CDC42SE1: variants seen among roughly 807,000 people sequenced by gnomAD.
The protein encoded by CDC42SE1 is CDC42 small effector protein 1.
In CDC42SE1, 10 loss-of-function variants were observed where a neutral mutation model predicts 10.9. That is an observed-to-expected ratio of 0.92 (90% CI 0.57 to 1.56). The LOEUF (loss-of-function observed/expected upper bound fraction) is 1.56, where lower values mean the gene tolerates loss of function less well. Ranked by LOEUF, CDC42SE1 falls within the 40% of genes most tolerant of loss-of-function variation. The probability of loss-of-function intolerance (pLI) is 0.00; values close to 1 mark genes in which losing one functional copy is unlikely to be tolerated. For missense variants in CDC42SE1, 81 were observed against 100.8 expected (o/e 0.80, Z 0.84); for synonymous variants, 24 against 32.0 (o/e 0.75, Z 0.85).
At chr1:151,055,550 A>C in intron 2 of CDC42SE1, 127 bp downstream of exon 2, 2 of 769,374 alleles carry the variant, frequency 2.6e-6, no homozygotes, top group Non-Finnish European at 4.6e-6. Flanking sequence ...TGACCATAGA[A>C]GCTCCTGACA....
chr1:151,055,659 G>A lies in CDC42SE1; in HGVS notation c.54+18C>T, dbSNP rs202202399. The A allele has an allele frequency of 3.7e-6, 6 of 1,605,732 alleles. No homozygotes were observed. The highest frequency in any genetic ancestry group is 5.1e-6 in the Non-Finnish European group (6 of 1,173,136). ...ACTGACTGCTCTTTGGGTTAGGATGGGGGGTGGGGAGACTCACCGGCTGGG... is the reference window on the plus strand; with the variant it reads ...ACTGACTGCTCTTTGGGTTAGGATGAGGGGTGGGGAGACTCACCGGCTGGG... On this transcript the variant is annotated intron_variant, in intron 2 of 4. Coordinates refer to ENST00000357235, the MANE Select transcript of CDC42SE1 (RefSeq NM_020239.4).
chr1:151,052,152 AGGAGAAATCTG>A lies in CDC42SE1; in HGVS notation c.*1181_*1191del, dbSNP rs1676195092. The A allele has an allele frequency of 6.6e-6, 1 of 152,180 alleles. No homozygotes were observed. The highest frequency in any genetic ancestry group is 6.5e-5 in the Admixed American group (1 of 15,274). 9.4% of individuals were successfully genotyped at this position (152,180 alleles called of 1,614,324 possible). ...TCAAATGGAGGCGATTTTGCCCCCT[AGGAGAAATCTG>A]GCAATGTATAGAGACATTTTTGGTT... is the stretch of plus-strand genomic sequence containing the variant. On this transcript the variant is annotated 3_prime_UTR_variant, in exon 5 of 5. Coordinates refer to ENST00000357235, the MANE Select transcript of CDC42SE1 (RefSeq NM_020239.4).
chr1:151,054,457 TA>T lies in CDC42SE1; in HGVS notation c.166-137del. 3 of 708,818 alleles carry T rather than the reference TA, an allele frequency of 4.2e-6. No homozygotes were observed. In the South Asian group the frequency reaches 4.8e-5, roughly 11 times the overall value. 43.9% of individuals were successfully genotyped at this position (708,818 alleles called of 1,614,324 possible). A position where few individuals can be genotyped will look rare whatever the true frequency, so the allele number is the denominator to read the frequency against. ...GCCATCTGCTAACCACCATTCCTCC[TA>T]GGGGAGTCTCAATGCCTCTTTTCAC... On this transcript the variant is annotated intron_variant, in intron 3 of 4. Coordinates refer to ENST00000357235, the MANE Select transcript of CDC42SE1 (RefSeq NM_020239.4).
At chr1:151,055,411 A>G in intron 2 of CDC42SE1, 1 of 598,328 alleles carries the variant, frequency 1.7e-6, no homozygotes. Flanking sequence ...ATAATGGGGA[A>G]AACTGACAGG....
Position 151,051,635 on chromosome 1 carries a change from A to G in CDC42SE1, c.*1709T>C, listed in dbSNP as rs1448917952. On this transcript the variant is annotated 3_prime_UTR_variant, in exon 5 of 5. Transcript: ENST00000357235. ...AATTACCCTGGAAGGGCCAGAACGA[A>G]GAACACCTGAGAATACTGAAAGTGC... The G allele has an allele frequency of 6.6e-6, 1 of 152,546 alleles. No individual in the cohort carries two copies. Among genetic ancestry groups the G allele is most frequent in the African/African-American group, 2.4e-5 (1 of 41,402 alleles). 9.4% of individuals were successfully genotyped at this position (152,546 alleles called of 1,614,324 possible).
rs1191934716 is a variant in CDC42SE1 at position 151,057,487 on chromosome 1, T to C, written c.-263-1494A>G. Among the ~76,000 whole-genome samples, 5 of 151,860 alleles carry C rather than the reference T, an allele frequency of 3.3e-5. No homozygotes were observed. Among genetic ancestry groups the C allele is most frequent in the Non-Finnish European group, 1.5e-5 (1 of 67,980 alleles). On this transcript the variant is annotated intron_variant, in intron 1 of 4. Coordinates refer to ENST00000357235, the MANE Select transcript of CDC42SE1 (RefSeq NM_020239.4). The surrounding 1 kb of genome is among the most constrained non-coding windows in gnomAD (Gnocchi z 4.0). ...CCGAGATCGCCACTGCACTCCAGCC[T>C]GGGCAACAAGAGCGAAACTCCGCCT... is the stretch of plus-strand genomic sequence containing the variant.
Position 151,055,800 on chromosome 1 carries a change from A to G in CDC42SE1, c.-70T>C. ...AGGGCTCTTTCCCTGGTGTTTGGAC[A>G]ACCCACTCCTCACTCTCCCCAGATA... On this transcript the variant is annotated 5_prime_UTR_variant, in exon 2 of 5. Transcript: ENST00000357235. 1 of 1,301,090 alleles carries G rather than the reference A, an allele frequency of 7.7e-7. No homozygotes were observed. 80.6% of individuals were successfully genotyped at this position (1,301,090 alleles called of 1,614,324 possible).
In CDC42SE1 at chr1:151,055,779, C is replaced by T. The variant is rs1453875179; in HGVS notation, c.-49G>A. On this transcript the variant is annotated 5_prime_UTR_variant, in exon 2 of 5. Coordinates refer to ENST00000357235, the MANE Select transcript of CDC42SE1 (RefSeq NM_020239.4). Reference sequence around the variant, plus strand: ...CTCCGCTGTCTGAGGCCCCAAAGGGCTCTTTCCCTGGTGTTTGGACAACCC... The same window carrying T: ...CTCCGCTGTCTGAGGCCCCAAAGGGTTCTTTCCCTGGTGTTTGGACAACCC... 1 of 1,509,414 alleles carries T rather than the reference C, an allele frequency of 6.6e-7. No individual in the cohort carries two copies. The highest frequency in any genetic ancestry group is 2.3e-5 in the East Asian group (1 of 43,572). 93.5% of individuals were successfully genotyped at this position (1,509,414 alleles called of 1,614,324 possible). A position where few individuals can be genotyped will look rare whatever the true frequency, so the allele number is the denominator to read the frequency against.
At chr1:151,055,418 C>A in intron 2 of CDC42SE1, 1 of 598,636 alleles carries the variant, frequency 1.7e-6, no homozygotes, top group Non-Finnish European at 3.0e-6. Context: ...GGAAAACTGA[C>A]AGGTATGCAG....
chr1:151,058,194 C>T (rs926468871), intron 1 of CDC42SE1: 1 of 152,704 alleles, frequency 6.5e-6, no homozygotes, highest in Non-Finnish European at 1.5e-5. Flanking sequence ...TTTCCAGGGA[C>T]CTGACCAGAG....
intron 4 of CDC42SE1, 97 bp downstream of exon 4, chr1:151,054,134 C>A (rs923989205): frequency 7.3e-6 from 6 of 821,158 alleles, no homozygotes; most frequent in Non-Finnish European, 1.2e-5. Context: ...CCCGGCCACA[C>A]CTCCCTTTCT....
rs1342246911 is a variant in CDC42SE1 at position 151,052,627 on chromosome 1, T to TA, written c.*716dup. On this transcript the variant is annotated 3_prime_UTR_variant, in exon 5 of 5. Transcript: ENST00000357235. ...ACAAGGTTCCTAATAGGGATAGAGTTAAGGGCGGAGGCAACAGCAGGATGA... is the reference window on the plus strand; with the variant it reads ...ACAAGGTTCCTAATAGGGATAGAGTTAAAGGGCGGAGGCAACAGCAGGATGA... 6.6e-6 allele frequency: 1 copy of TA among 152,598 alleles called. No individual in the cohort carries two copies. The highest frequency in any genetic ancestry group is 2.4e-5 in the African/African-American group (1 of 41,424). 9.5% of individuals were successfully genotyped at this position (152,598 alleles called of 1,614,324 possible). A position where few individuals can be genotyped will look rare whatever the true frequency, so the allele number is the denominator to read the frequency against.
intron 1 of CDC42SE1, chr1:151,058,322 T>A (rs887549934): frequency 7.2e-5 from 11 of 151,932 alleles, no homozygotes; most frequent in African/African-American, 2.4e-4. Context: ...GAGGGTGGGG[T>A]CAGAGTGTGA....
Sources: allele counts gnomAD v4.1 joint callset (sites outside exome capture counted in the v4.1 genomes callset), GRCh38; gene constraint gnomAD v4.1.1; non-coding constraint Gnocchi (gnomAD v3.1); transcripts MANE v1.5; gene names NCBI Gene and HGNC (gene_info 2026-07-23, HGNC 2026-07-21).